APAF1: variants seen among roughly 807,000 people sequenced by gnomAD.
APAF1 encodes the protein apoptotic protease-activating factor 1.
A neutral mutation model predicts 152.4 loss-of-function variants in APAF1; 91 were observed. That is an observed-to-expected ratio of 0.60 (90% CI 0.50 to 0.71). The LOEUF is 0.71. Among genes scored for constraint, APAF1 ranks in the 30% least tolerant of loss-of-function variants. The pLI is 0.00. For missense variants in APAF1, 1,283 were observed against 1,472.0 expected (o/e 0.87, Z 2.10); for synonymous variants, 484 against 494.1 (o/e 0.98, Z 0.27).
chr12:98,660,884 A>G (rs901051345), intron 5 of APAF1, among the ~76,000 whole-genome samples: 2 of 152,222 alleles, frequency 1.3e-5, no homozygotes, highest in African/African-American at 4.8e-5. Flanking sequence ...GGGTATTAAT[A>G]TCAGAATATA....
intron 10 of APAF1, among the ~76,000 whole-genome samples, chr12:98,670,099 C>G (rs894386135): frequency 1.3e-5 from 2 of 152,016 alleles, no homozygotes; most frequent in Non-Finnish European, 2.9e-5. Flanking sequence ...TGTGCACCAC[C>G]ACACCCGGCT....
rs2153303892 is a variant in APAF1, at chr12:98,648,340, A to T, written c.-20A>T. 2.5e-6 allele frequency: 4 copies of T among 1,613,968 alleles called. 1 individual carries two copies. The Admixed American group carries it at 6.7e-5, about 27-fold the overall frequency. ...GTAGCTCATGGTTGACAGCTCAGAG[A>T]GAGAAAGATCTGAGGGAAGATGGAT... On this transcript the variant is annotated 5_prime_UTR_variant, in exon 2 of 27. It introduces an in-frame stop codon into an upstream open reading frame of the 5' UTR. Coordinates refer to ENST00000551964, the MANE Select transcript of APAF1 (RefSeq NM_181861.2).
Position 98,648,694 on chromosome 12 carries a change from A to T in APAF1, c.207A>T (p.Val69=), listed in dbSNP as rs202065446. Reference sequence around the variant, plus strand: ...TTAAAAAAGATAATGATTCCTACGTATCATTCTACAATGCTCTACTACATG... The same window carrying T: ...TTAAAAAAGATAATGATTCCTACGTTTCATTCTACAATGCTCTACTACATG... The part of the protein sequence containing the change: ...MILKKDNDSY[V]SFYNALLHEG... Residue 69 remains valine, a synonymous_variant, in exon 3 of 27, where the codon GTA becomes GTT. Coordinates refer to ENST00000551964, the MANE Select transcript of APAF1 (RefSeq NM_181861.2). The T allele has an allele frequency of 7.7e-5, 125 of 1,613,912 alleles. No individual in the cohort carries two copies. The South Asian group carries it at 1.3e-3, about 17-fold the overall frequency.
intron 14 of APAF1, 90 bp from the exon 15 acceptor site, chr12:98,683,053 G>A (rs1284883426): frequency 1.4e-5 from 14 of 982,284 alleles, no homozygotes; most frequent in Admixed American, 1.2e-4. Flanking sequence ...GGATAAGATA[G>A]CATTTGCAAA....
chr12:98,656,558 C>G (rs2097657961), intron 4 of APAF1, among the ~76,000 whole-genome samples: 1 of 152,206 alleles, frequency 6.6e-6, no homozygotes, highest in African/African-American at 2.4e-5. Context: ...CATGCAGTCA[C>G]TATTCAGTAC....
intron 23 of APAF1, 124 bp from the exon 24 acceptor site, chr12:98,723,515 G>T: frequency 9.8e-7 from 1 of 1,022,034 alleles, no homozygotes; most frequent in Non-Finnish European, 1.5e-6. Flanking sequence ...TAAAGTAAAG[G>T]GGTCAGAACA....
At chr12:98,721,307 C>CTT (rs1210610211) in intron 22 of APAF1, among the ~76,000 whole-genome samples, 1 of 152,186 alleles carries the variant, frequency 6.6e-6, no homozygotes, top group Non-Finnish European at 1.5e-5. Flanking sequence ...AGAAGGCTGT[C>CTT]TGAGTTCTTG....
intron 22 of APAF1, among the ~76,000 whole-genome samples, chr12:98,721,432 CA>C (rs1447727739): frequency 6.6e-6 from 1 of 152,174 alleles, no homozygotes; most frequent in Non-Finnish European, 1.5e-5. Context: ...ATTGATCCTC[CA>C]GTCCAGTGAA....
At chr12:98,654,614 G>C (rs1017209039) in intron 4 of APAF1, among the ~76,000 whole-genome samples, 1 of 151,818 alleles carries the variant, frequency 6.6e-6, no homozygotes, top group African/African-American at 2.4e-5. Context: ...CACCATGTTG[G>C]CCAGGTTGGT....
At chr12:98,656,678 A>G (rs2097658135) in intron 4 of APAF1, among the ~76,000 whole-genome samples, 1 of 152,170 alleles carries the variant, frequency 6.6e-6, no homozygotes, top group Non-Finnish European at 1.5e-5. Context: ...AACTTCTTAG[A>G]ATATTCGCCG....
At chr12:98,712,568 G>A in intron 21 of APAF1, 133 bp downstream of exon 21, 1 of 666,572 alleles carries the variant, frequency 1.5e-6, no homozygotes, top group South Asian at 1.7e-5. Context: ...CCCACGCTGA[G>A]TACAGTGACA....
chr12:98,657,400 G>C (rs1440889224), intron 4 of APAF1, among the ~76,000 whole-genome samples: 1 of 152,142 alleles, frequency 6.6e-6, no homozygotes, highest in Admixed American at 6.5e-5. Context: ...TCTATGCTGG[G>C]AAGTGGAATA....
At chr12:98,697,237 C>T (rs2097710913) in intron 16 of APAF1, among the ~76,000 whole-genome samples, 1 of 152,170 alleles carries the variant, frequency 6.6e-6, no homozygotes, top group Non-Finnish European at 1.5e-5. Flanking sequence ...TGACTACCTC[C>T]TGTACAAAGT....
chr12:98,661,967 A>G (rs981715895), intron 5 of APAF1, among the ~76,000 whole-genome samples: 4 of 152,154 alleles, frequency 2.6e-5, no homozygotes, highest in African/African-American at 9.7e-5. Flanking sequence ...TGTATACCAA[A>G]TGAAAGGTAA....
intron 7 of APAF1, among the ~76,000 whole-genome samples, chr12:98,663,175 AT>A (rs747215847): frequency 1.3e-5 from 2 of 152,068 alleles, no homozygotes; most frequent in Non-Finnish European, 2.9e-5. Flanking sequence ...TGGTGTCTTA[AT>A]TTGCATTTTT....
intron 20 of APAF1, 124 bp downstream of exon 20, chr12:98,708,828 A>T (rs951679521): frequency 1.1e-6 from 1 of 886,688 alleles, no homozygotes; most frequent in African/African-American, 1.7e-5. Context: ...TCCAGCAGAC[A>T]TTAGTTAAAT....
intron 22 of APAF1, among the ~76,000 whole-genome samples, chr12:98,719,802 G>A (rs902203419): frequency 6.6e-6 from 1 of 152,096 alleles, no homozygotes; most frequent in Non-Finnish European, 1.5e-5. Context: ...GGCTTTAGAA[G>A]TGAAGGATAG....
intron 16 of APAF1, among the ~76,000 whole-genome samples, chr12:98,687,974 G>T (rs535561286): frequency 6.6e-6 from 1 of 152,212 alleles, no homozygotes; most frequent in East Asian, 1.9e-4. Context: ...ACCAAGCCTG[G>T]CTAATTTTTG....
Sources: gnomAD v4.1 joint callset for allele counts (sites outside exome capture counted in the v4.1 genomes callset) on GRCh38, gnomAD v4.1.1 for gene constraint, MANE v1.5 for transcripts, NCBI Gene and HGNC (gene_info 2026-07-23, HGNC 2026-07-21) for gene names.